Variants in ARVCF observed in about 807,000 individuals in gnomAD.
ARVCF encodes the protein ARVCF delta catenin family member.
Under a neutral mutation model 90.9 loss-of-function variants are expected in ARVCF, and 66 were observed. The observed-to-expected ratio is 0.73, with a 90% confidence interval of 0.60 to 0.89. ARVCF has a LOEUF of 0.89. Among genes scored for constraint, ARVCF ranks in the 40% least tolerant of loss-of-function variants. The pLI is 0.00. For synonymous variants in ARVCF, 653 were observed against 603.4 expected, an observed-to-expected ratio of 1.08 and a Z score of -1.21; for missense variants, 1,469 against 1,382.3, an observed-to-expected ratio of 1.06 and a Z score of -1.00.
chr22:20,013,595 C>T (rs1248351363), intron 1 of ARVCF, among the ~76,000 whole-genome samples: 2 of 152,252 alleles, frequency 1.3e-5, no homozygotes, highest in African/African-American at 4.8e-5. Context: ...CCCAGCTGCC[C>T]TCTGGTGGCC....
intron 2 of ARVCF, among the ~76,000 whole-genome samples, chr22:19,993,174 G>A (rs573361299): frequency 3.3e-4 from 50 of 152,092 alleles, no homozygotes; most frequent in Non-Finnish European, 5.9e-4. Context: ...AGGCCCGCAG[G>A]TCATGGCCTC....
intron 11 of ARVCF, among the ~76,000 whole-genome samples, chr22:19,974,577 G>A (rs1055785729): frequency 6.6e-5 from 10 of 152,040 alleles, no homozygotes; most frequent in Non-Finnish European, 1.3e-4. Context: ...ATGCATCCTG[G>A]CCACGCCCCT....
At chr22:19,998,225 G>A (rs749933875) in intron 2 of ARVCF, among the ~76,000 whole-genome samples, 37 of 152,196 alleles carry the variant, frequency 2.4e-4, no homozygotes, top group Admixed American at 7.2e-4. Context: ...AGGGCCGTCC[G>A]CCTGCAACGC....
rs74544696 is a variant in ARVCF, at chr22:19,979,957, C to G, written c.1182G>C (p.Arg394=). 33,361 of 1,595,190 alleles carry G rather than the reference C, an allele frequency of 0.021. 447 individuals carry two copies. Among genetic ancestry groups the G allele is most frequent in the East Asian group, 0.053 (2,315 of 43,924 alleles). ...HLCFENEGVK[R]RVRQLRGLPL... ...GCAGCCCCCGCAACTGCCGTACACG[C>G]CGCTTGACACCCTCGTTCTCAAAGC... Residue 394 remains arginine, a synonymous_variant, in exon 6 of 20, where the codon CGG becomes CGC. Transcript: ENST00000263207.
chr22:19,980,021 G>A lies in ARVCF; in HGVS notation c.1118C>T (p.Pro373Leu). 2 of 1,590,934 alleles carry A rather than the reference G, an allele frequency of 1.3e-6. No homozygotes were observed. Among genetic ancestry groups the A allele is most frequent in the South Asian group, 1.1e-5 (1 of 88,724 alleles). ...GTAGGCGGCCGCATTGGCCTTCACG[G>A]GGTCCACGGGGTGCCGCAGCATGGC... ...VLAMLRHPVD[P>L]VKANAAAYLQ... The change falls in exon 6 of 20, where the codon CCC becomes CTC. Residue 373 changes from proline (P) to leucine (L), a missense_variant. Pro to Leu is a moderately conservative substitution (Grantham distance 98, BLOSUM62 -3). Transcript: ENST00000263207.
chr22:19,982,212 C>G, intron 3 of ARVCF, 121 bp from the exon 4 acceptor site: 1 of 1,396,386 alleles, frequency 7.2e-7, no homozygotes, highest in East Asian at 2.4e-5. Flanking sequence ...GTGCCTTCCT[C>G]CTGGTCCTGA....
chr22:19,984,380 G>A (rs186674162), intron 3 of ARVCF, among the ~76,000 whole-genome samples: 5 of 152,240 alleles, frequency 3.3e-5, no homozygotes, highest in Admixed American at 3.3e-4. Flanking sequence ...GCAAGACCTG[G>A]CAACCCTGCG....
Position 19,973,799 on chromosome 22 carries a change from G to A in ARVCF, c.2089-6C>T, listed in dbSNP as rs752015166. On this transcript the variant is annotated splice_region_variant and splice_polypyrimidine_tract_variant and intron_variant, in intron 12 of 19. Transcript: ENST00000263207. The stretch of plus-strand genomic sequence containing the variant: ...GCGCGGATGTACGTGGCCCACTGCG[G>A]AGGCGGGGAGAGGGTTGCTCAGACA... 7.5e-6 allele frequency: 12 copies of A among 1,600,398 alleles called. No individual in the cohort carries two copies. In the Admixed American group the frequency reaches 1.8e-4, roughly 25 times the overall value.
At chr22:19,983,770 G>A (rs1178562595) in intron 3 of ARVCF, 1 of 152,332 alleles carries the variant, frequency 6.6e-6, no homozygotes, top group Non-Finnish European at 1.5e-5. Context: ...GTCTTGAGAT[G>A]TAGGTGGAAT....
At chr22:20,007,765 C>T (rs1944684631) in intron 2 of ARVCF, among the ~76,000 whole-genome samples, 2 of 152,310 alleles carry the variant, frequency 1.3e-5, no homozygotes, top group East Asian at 1.9e-4. Flanking sequence ...AGAAGGCCCT[C>T]GCCAGATGTG....
intron 3 of ARVCF, among the ~76,000 whole-genome samples, chr22:19,990,154 G>A (rs1041213611): frequency 2.6e-5 from 4 of 152,196 alleles, no homozygotes; most frequent in African/African-American, 9.7e-5. Flanking sequence ...ATGGCCAGCA[G>A]AGAAAATGAG....
chr22:19,968,748 GC>G, downstream of ARVCF: 11 of 1,605,698 alleles, frequency 6.9e-6, no homozygotes, highest in Non-Finnish European at 8.5e-6. Context: ...TGCCCCCCCG[GC>G]CCCCCTCTCG....
chr22:20,008,865 A>AAGGCAGAGAAAG (rs1944727421), intron 2 of ARVCF, among the ~76,000 whole-genome samples: 1 of 152,206 alleles, frequency 6.6e-6, no homozygotes, highest in Admixed American at 6.5e-5. Flanking sequence ...GAGATGGGGA[A>AAGGCAGAGAAAG]AGGCAGAGAA....
chr22:19,977,385 A>C, intron 9 of ARVCF, 30 bp downstream of exon 9: 1 of 1,486,164 alleles, frequency 6.7e-7, no homozygotes, highest in Non-Finnish European at 9.0e-7. Flanking sequence ...TTGAGATGGT[A>C]GAGATGATAC....
chr22:20,013,659 G>A (rs1944918791), intron 1 of ARVCF, among the ~76,000 whole-genome samples: 1 of 152,184 alleles, frequency 6.6e-6, no homozygotes, highest in Non-Finnish European at 1.5e-5. Context: ...ATCAGCAGGG[G>A]CAGTGGGAAG....
chr22:19,986,754 C>A, intron 3 of ARVCF: 1 of 325,120 alleles, frequency 3.1e-6, no homozygotes, highest in Non-Finnish European at 5.7e-6. Flanking sequence ...GTCCTGGGCG[C>A]TGGCCAAGAA....
rs920458199 is a variant in ARVCF at position 19,979,160 on chromosome 22, G to A, written c.1397-80C>T. ...CCCCAGGTGGCCACGCTCAGGACCT[G>A]TCCCACTCTCCTCATGTCCCAGCTC... On this transcript the variant is annotated intron_variant, in intron 6 of 19. Transcript: ENST00000263207. 3 of 1,452,126 alleles carry A rather than the reference G, an allele frequency of 2.1e-6. No homozygotes were observed. In the African/African-American group the frequency reaches 4.2e-5, roughly 20 times the overall value. The allele number at this position is 1,452,126 out of a possible 1,614,324, so 90.0% of individuals were successfully genotyped here. A position where few individuals can be genotyped will look rare whatever the true frequency, so the allele number is the denominator to read the frequency against.
intron 7 of ARVCF, among the ~76,000 whole-genome samples, 172 bp from the exon 8 acceptor site, chr22:19,978,247 G>A (rs911620234): frequency 6.6e-6 from 1 of 152,182 alleles, no homozygotes; most frequent in Non-Finnish European, 1.5e-5. Flanking sequence ...GAAGCTAACT[G>A]CCCCCAGGCC....
chr22:20,007,767 C>A (rs2146483633), intron 2 of ARVCF, among the ~76,000 whole-genome samples: 1 of 152,368 alleles, frequency 6.6e-6, no homozygotes, highest in Non-Finnish European at 1.5e-5. Context: ...AAGGCCCTCG[C>A]CAGATGTGGC....
Sources: allele counts gnomAD v4.1 joint callset (sites outside exome capture counted in the v4.1 genomes callset), GRCh38; gene constraint gnomAD v4.1.1; transcripts MANE v1.5; gene names NCBI Gene and HGNC (gene_info 2026-07-23, HGNC 2026-07-21).